Variants in CA10 observed in about 807,000 individuals in gnomAD.
The protein encoded by CA10 is carbonic anhydrase-related protein 10.
A neutral mutation model predicts 44.2 loss-of-function variants in CA10; 14 were observed. The ratio of observed to expected loss-of-function variants is 0.32; its 90% CI spans 0.21 to 0.50. CA10 has a LOEUF of 0.50. Among genes scored for constraint, CA10 ranks in the 20% least tolerant of loss-of-function variants. The pLI, the probability that CA10 is intolerant of heterozygous loss-of-function variation, is 0.99. For synonymous variants in CA10, 159 were observed against 141.6 expected (o/e 1.12, Z -0.87); for missense variants, 350 against 409.7 (o/e 0.85, Z 1.26).
intron 3 of CA10, among the ~76,000 whole-genome samples, chr17:51,777,530 CCT>C (rs1905869839): frequency 6.6e-6 from 1 of 152,124 alleles, no homozygotes; most frequent in Non-Finnish European, 1.5e-5. Flanking sequence ...GAACCAATCC[CCT>C]GTGTATACTG....
chr17:52,156,378 T>A (rs2970050), intron 1 of CA10, among the ~76,000 whole-genome samples: 20,768 of 152,230 alleles, frequency 0.14, 1,879 homozygotes, highest in Middle Eastern at 0.22. Context: ...CCAGGGCACA[T>A]TTTCTTGTCT....
Position 51,926,018 on chromosome 17 carries a change from G to C in CA10, c.279+4972C>G, listed in dbSNP as rs184230731. Among the ~76,000 whole-genome samples, 239 of 152,228 alleles carry C rather than the reference G, an allele frequency of 1.6e-3. 1 individual carries two copies. Among genetic ancestry groups the C allele is most frequent in the Non-Finnish European group, 2.8e-3 (191 of 68,002 alleles). ...AAAAAAGTTACAAAAATGCATAGTT[G>C]TGATGACTGCACAATAGCCTGAATG... On this transcript the variant is annotated intron_variant, in intron 3 of 8. Coordinates refer to ENST00000451037, the MANE Select transcript of CA10 (RefSeq NM_020178.5).
chr17:51,951,705 A>T (rs1983490314), intron 2 of CA10, among the ~76,000 whole-genome samples: 1 of 152,202 alleles, frequency 6.6e-6, no homozygotes, highest in Non-Finnish European at 1.5e-5. Flanking sequence ...TATTTTTCAC[A>T]TGCCTGAGTT....
chr17:51,795,883 T>C (rs1906685711), intron 3 of CA10, among the ~76,000 whole-genome samples: 1 of 152,190 alleles, frequency 6.6e-6, no homozygotes, highest in Admixed American at 6.5e-5. Context: ...ATCTCCCTGC[T>C]TTCCAAAAAT....
intron 1 of CA10, among the ~76,000 whole-genome samples, chr17:52,130,702 C>A (rs1375960897): frequency 6.6e-6 from 1 of 151,820 alleles, no homozygotes; most frequent in Non-Finnish European, 1.5e-5. Context: ...TTTCTTCTTT[C>A]TTTCTTTTTT....
chr17:52,001,207 A>G (rs1213361649), intron 2 of CA10, among the ~76,000 whole-genome samples: 1 of 152,014 alleles, frequency 6.6e-6, no homozygotes, highest in Non-Finnish European at 1.5e-5. Context: ...TAAATTTTCA[A>G]AGGATTGTAA....
chr17:52,153,742 T>A (rs1486711753), intron 1 of CA10, among the ~76,000 whole-genome samples: 1 of 152,176 alleles, frequency 6.6e-6, no homozygotes, highest in East Asian at 1.9e-4. Context: ...GTAAAAGCTC[T>A]ACTCCACCAT....
At chr17:52,081,532 G>C (rs889314797) in intron 1 of CA10, among the ~76,000 whole-genome samples, 16 of 152,240 alleles carry the variant, frequency 1.1e-4, no homozygotes, top group African/African-American at 3.6e-4. Flanking sequence ...CGGGCGCGGT[G>C]GCTCACGCCT....
chr17:51,646,843 T>C (rs1442479800), intron 6 of CA10, among the ~76,000 whole-genome samples: 1 of 152,170 alleles, frequency 6.6e-6, no homozygotes, highest in African/African-American at 2.4e-5. Flanking sequence ...GAATCGGCCA[T>C]CATTATTCCT....
At chr17:51,729,247 G>A (rs923160780) in intron 4 of CA10, among the ~76,000 whole-genome samples, 5 of 152,136 alleles carry the variant, frequency 3.3e-5, no homozygotes, top group Admixed American at 6.5e-5. Context: ...AGCTCCTTAT[G>A]GAGAAACTGT....
chr17:51,838,991 G>T (rs1978297683), intron 3 of CA10, among the ~76,000 whole-genome samples: 1 of 152,124 alleles, frequency 6.6e-6, no homozygotes, highest in Non-Finnish European at 1.5e-5. Context: ...GATTGATTTT[G>T]TTTTATTTTC....
chr17:52,114,882 A>T (rs1378656505), intron 1 of CA10, among the ~76,000 whole-genome samples: 2 of 152,212 alleles, frequency 1.3e-5, no homozygotes, highest in Non-Finnish European at 2.9e-5. Flanking sequence ...CAGTGATTCT[A>T]AAAACTAAGT....
At chr17:51,721,861 T>C (rs1019226641) in intron 4 of CA10, among the ~76,000 whole-genome samples, 1 of 152,162 alleles carries the variant, frequency 6.6e-6, no homozygotes, top group Non-Finnish European at 1.5e-5. Flanking sequence ...AACCTTACAC[T>C]GTGTACCTGT....
At chr17:51,939,390 AT>A (rs1982990333) in intron 2 of CA10, among the ~76,000 whole-genome samples, 1 of 152,110 alleles carries the variant, frequency 6.6e-6, no homozygotes, top group Non-Finnish European at 1.5e-5. Flanking sequence ...ATTCTTTTTC[AT>A]ACTGGTGCTT....
At chr17:52,005,701 T>G (rs1472335866) in intron 2 of CA10, among the ~76,000 whole-genome samples, 1 of 151,924 alleles carries the variant, frequency 6.6e-6, no homozygotes, top group Admixed American at 6.6e-5. Flanking sequence ...AATGATAAAC[T>G]TTTCAAAAAG....
At chr17:52,071,286 C>T (rs1268912198) in intron 2 of CA10, among the ~76,000 whole-genome samples, 1 of 152,166 alleles carries the variant, frequency 6.6e-6, no homozygotes, top group East Asian at 1.9e-4. Flanking sequence ...TTGGCTTTTT[C>T]CTGGGTCACC....
intron 2 of CA10, among the ~76,000 whole-genome samples, chr17:52,001,580 T>A (rs1172912959): frequency 6.6e-6 from 1 of 151,938 alleles, no homozygotes; most frequent in Non-Finnish European, 1.5e-5. Flanking sequence ...TTTTTTTTAA[T>A]AGGGGATATT....
chr17:52,079,037 A>G (rs748372700), intron 1 of CA10, among the ~76,000 whole-genome samples: 1 of 152,216 alleles, frequency 6.6e-6, no homozygotes, highest in Non-Finnish European at 1.5e-5. Flanking sequence ...CTGTAATCCC[A>G]GCACTCTGGG....
intron 2 of CA10, among the ~76,000 whole-genome samples, chr17:51,991,386 C>G (rs1567911469): frequency 6.6e-6 from 1 of 152,114 alleles, no homozygotes; most frequent in South Asian, 2.1e-4. Flanking sequence ...GCTGAATAAT[C>G]TTTGTATGCA....
Sources: allele counts gnomAD v4.1 joint callset (sites outside exome capture counted in the v4.1 genomes callset), GRCh38; gene constraint gnomAD v4.1.1; transcripts MANE v1.5; gene names NCBI Gene and HGNC (gene_info 2026-07-23, HGNC 2026-07-21).